PLOD2: variants seen among roughly 807,000 people sequenced by gnomAD.
PLOD2 encodes lysine hydroxylase 2.
In PLOD2, 65 loss-of-function variants were observed where a neutral mutation model predicts 101.0. That is an observed-to-expected ratio of 0.64 (90% CI 0.53 to 0.79). The LOEUF (loss-of-function observed/expected upper bound fraction) is 0.79, where lower values mean the gene tolerates loss of function less well. PLOD2 is among the 30% of genes least tolerant of loss of function. The pLI is 0.00. For missense variants in PLOD2, 909 were observed against 914.6 expected (o/e 0.99, Z 0.08); for synonymous variants, 314 against 302.9 (o/e 1.04, Z -0.38).
At chr3:146,087,020 T>C (rs976247393) in intron 9 of PLOD2, 112 bp from the exon 10 acceptor site, 1 of 539,418 alleles carries the variant, frequency 1.9e-6, no homozygotes. Context: ...AATTCAGATA[T>C]TCAATTACAT....
At chr3:146,138,847 T>G (rs1165835991) in intron 1 of PLOD2, among the ~76,000 whole-genome samples, 1 of 152,196 alleles carries the variant, frequency 6.6e-6, no homozygotes, top group Non-Finnish European at 1.5e-5. Context: ...ATTAATTCAT[T>G]TAATCCAAGT....
intron 4 of PLOD2, among the ~76,000 whole-genome samples, chr3:146,108,675 C>T (rs1226632007): frequency 1.3e-5 from 2 of 152,178 alleles, no homozygotes; most frequent in Non-Finnish European, 2.9e-5. Context: ...TACTTTCCCA[C>T]TTAAAACACC....
chr3:146,127,683 T>C (rs138167560), intron 1 of PLOD2, among the ~76,000 whole-genome samples: 1 of 152,084 alleles, frequency 6.6e-6, no homozygotes, highest in Non-Finnish European at 1.5e-5. Context: ...TCCCTTTGAG[T>C]AGATACCCAG....
Position 146,082,609 on chromosome 3 carries a change from C to T in PLOD2, c.1233-746G>A, listed in dbSNP as rs149107673. Among the ~76,000 whole-genome samples the T allele has an allele frequency of 1.7e-4, 26 of 152,220 alleles. No homozygotes were observed. In the East Asian group the frequency reaches 4.6e-3, roughly 27 times the overall value. On this transcript the variant is annotated intron_variant, in intron 11 of 19. Transcript: ENST00000282903. ...AAAAGTGAAATAAATAAACACACAT[C>T]GGGCCCGGCGCAGTGGCTCATGCCT... is the stretch of plus-strand genomic sequence containing the variant.
rs60626732 is a variant in PLOD2 at position 146,085,082 on chromosome 3, CTAAA to C, written c.1232+83_1232+86del. The C allele has an allele frequency of 1.4e-3, 951 of 676,572 alleles. 10 individuals carry two copies. The African/African-American group carries it at 0.016, about 11-fold the overall frequency. The allele number at this position is 676,572 out of a possible 1,614,324, so 41.9% of individuals were successfully genotyped here. Reference sequence around the variant, plus strand: ...AACATAACTAAGTTCCCTCAATTTACTAAATACACAATTACTACAGTATGTTCAC... The same window carrying C: ...AACATAACTAAGTTCCCTCAATTTACTACACAATTACTACAGTATGTTCAC... On this transcript the variant is annotated intron_variant, in intron 11 of 19. Transcript: ENST00000282903.
intron 10 of PLOD2, chr3:146,085,649 G>T (rs1191238032): frequency 4.0e-6 from 1 of 251,232 alleles, no homozygotes; most frequent in Non-Finnish European, 7.5e-6. Context: ...TGTTGGAGAT[G>T]TAAGTATATG....
rs372524052 is a variant in PLOD2 at position 146,071,418 on chromosome 3, G to A, written c.1854C>T (p.Ser618=). The A allele has an allele frequency of 3.7e-6, 6 of 1,611,094 alleles. No individual in the cohort carries two copies. The African/African-American group carries it at 8.0e-5, about 22-fold the overall frequency. Residue 618 remains serine, a synonymous_variant, in exon 18 of 20, where the codon AGC becomes AGT. Coordinates refer to ENST00000282903, the MANE Select transcript of PLOD2 (RefSeq NM_182943.3). The part of the protein sequence containing the change: ...GKWSGGKHHD[S]RISGGYENVP... Reference sequence around the variant, plus strand: ...CATTTTCATAACCACCAGATATACGGCTATCCTAGAAACAACATTAATGAC... The same window carrying A: ...CATTTTCATAACCACCAGATATACGACTATCCTAGAAACAACATTAATGAC...
At chr3:146,112,228 GCAAAGACTTGGAAC>G (rs1353408436) in intron 3 of PLOD2, among the ~76,000 whole-genome samples, 6 of 152,140 alleles carry the variant, frequency 3.9e-5, no homozygotes, top group African/African-American at 1.4e-4. Context: ...ATTTACAATA[GCAAAGACTTGGAAC>G]CAACCCAAAT....
chr3:146,131,088 G>T (rs2030881684), intron 1 of PLOD2, among the ~76,000 whole-genome samples: 1 of 152,134 alleles, frequency 6.6e-6, no homozygotes, highest in Admixed American at 6.6e-5. Context: ...AAAAGTTATG[G>T]GCACTGAATC....
chr3:146,082,090 A>C (rs1236303234), intron 11 of PLOD2, among the ~76,000 whole-genome samples: 1 of 152,214 alleles, frequency 6.6e-6, no homozygotes, highest in East Asian at 1.9e-4. Flanking sequence ...AGAGTAACAA[A>C]GAAGGAAAAA....
intron 19 of PLOD2, 50 bp from the exon 20 acceptor site, chr3:146,070,922 C>T (rs1306002412): frequency 1.3e-6 from 2 of 1,542,060 alleles, no homozygotes; most frequent in South Asian, 1.1e-5. Context: ...TAACCAGTGG[C>T]AAAATTCAAA....
chr3:146,105,040 GAAGTAAGATTA>G (rs556431449), intron 5 of PLOD2: 16 of 152,346 alleles, frequency 1.1e-4, no homozygotes, highest in African/African-American at 3.9e-4. Context: ...TTTGGACAAG[GAAGTAAGATTA>G]AAACTGGGAG....
chr3:146,086,213 C>T (rs1417434583), intron 10 of PLOD2: 2 of 152,268 alleles, frequency 1.3e-5, no homozygotes, highest in Admixed American at 1.3e-4. Context: ...ATCATGTCTT[C>T]ACCTTTTTAT....
chr3:146,159,968 A>T (rs1305969811), intron 1 of PLOD2, among the ~76,000 whole-genome samples: 1 of 152,210 alleles, frequency 6.6e-6, no homozygotes, highest in Non-Finnish European at 1.5e-5. Context: ...GGCTTAAGAA[A>T]AGTTCAAGTA....
chr3:146,108,230 G>C (rs1031980072), intron 4 of PLOD2, among the ~76,000 whole-genome samples: 1 of 152,196 alleles, frequency 6.6e-6, no homozygotes, highest in Non-Finnish European at 1.5e-5. Context: ...ACCCAGGCTA[G>C]AGTGCAATGG....
At chr3:146,144,937 A>G (rs1344371606) in intron 1 of PLOD2, among the ~76,000 whole-genome samples, 1 of 152,106 alleles carries the variant, frequency 6.6e-6, no homozygotes, top group African/African-American at 2.4e-5. Context: ...ATTCTTAACT[A>G]TCTCTGTTTT....
At chr3:146,143,941 C>T (rs147798064) in intron 1 of PLOD2, among the ~76,000 whole-genome samples, 2,042 of 152,040 alleles carry the variant, frequency 0.013, 30 homozygotes, top group Middle Eastern at 0.044. Flanking sequence ...CCTCCTTGTC[C>T]CTAATGCAGG....
At chr3:146,071,453 T>C (rs757492897) in intron 17 of PLOD2, 30 bp from the exon 18 acceptor site, 2 of 1,604,416 alleles carry the variant, frequency 1.2e-6, no homozygotes, top group Non-Finnish European at 1.7e-6. Context: ...CATAATAAGC[T>C]GTACTCCACG....
At chr3:146,160,609 CA>C (rs1184748229) in intron 1 of PLOD2, among the ~76,000 whole-genome samples, 3 of 152,102 alleles carry the variant, frequency 2.0e-5, no homozygotes, top group Non-Finnish European at 4.4e-5. Context: ...CCTGCAAGTC[CA>C]AAAGGAAACT....
Sources: gnomAD v4.1 joint callset for allele counts (sites outside exome capture counted in the v4.1 genomes callset) on GRCh38, gnomAD v4.1.1 for gene constraint, MANE v1.5 for transcripts, NCBI Gene and HGNC (gene_info 2026-07-23, HGNC 2026-07-21) for gene names.